Variants in RAN observed in about 807,000 individuals in gnomAD.
The protein encoded by RAN is RAN, member RAS oncogene family, also known as GTP-binding nuclear protein Ran.
RAN carries 2 observed loss-of-function variants against 26.8 expected under a neutral mutation model. That is an observed-to-expected ratio of 0.07 (90% confidence interval 0.03 to 0.23). The LOEUF is 0.23. RAN is among the 10% of genes least tolerant of loss of function. The pLI, the probability that RAN is intolerant of heterozygous loss-of-function variation, is 1.00. For synonymous variants in RAN, 132 were observed against 95.9 expected (o/e 1.38, Z -2.20); for missense variants, 56 against 264.8 (o/e 0.21, Z 5.47).
At position 130,877,032 on chromosome 12, in the gene RAN, G is replaced by C. The variant is rs962781659; in HGVS notation, c.*1106G>C. 1.3e-5 allele frequency: 2 copies of C among 151,756 alleles called. No individual in the cohort carries two copies. The highest frequency in any genetic ancestry group is 2.9e-5 in the Non-Finnish European group (2 of 67,986). The allele number at this position is 151,756 out of a possible 1,614,324, so 9.4% of individuals were successfully genotyped here. On this transcript the variant is annotated 3_prime_UTR_variant, in exon 7 of 7. Transcript: ENST00000543796. The stretch of plus-strand genomic sequence containing the variant: ...GGCAGTGTGGGGGCTTCTCAGTAAT[G>C]GAGAACAGTTGGTGAAACTTTTTTT...
In RAN at chr12:130,877,137, G is replaced by T. The variant is rs1329422827; in HGVS notation, c.*1211G>T. ...ATTAGGTCTATTAGGATAATTAGGA[G>T]TTTGATCCCATCAACACTATTCTTG... On this transcript the variant is annotated 3_prime_UTR_variant, in exon 7 of 7. Transcript: ENST00000543796. 2 of 151,554 alleles carry T rather than the reference G, an allele frequency of 1.3e-5. No individual in the cohort carries two copies. Among genetic ancestry groups the T allele is most frequent in the South Asian group, 2.1e-4 (1 of 4,806 alleles). The allele number at this position is 151,554 out of a possible 1,614,324, so 9.4% of individuals were successfully genotyped here.
chr12:130,874,425 G>A, intron 4 of RAN, 121 bp from the exon 5 acceptor site: 4 of 681,916 alleles, frequency 5.9e-6, no homozygotes, highest in African/African-American at 1.8e-5. Flanking sequence ...AGTGAGGGGA[G>A]AGATACAGGT....
At chr12:130,873,634 G>A (rs1036658676) in intron 4 of RAN, 5 of 161,092 alleles carry the variant, frequency 3.1e-5, no homozygotes, top group African/African-American at 9.6e-5. Context: ...CAAGGAAAAT[G>A]TTCATTGTAC....
At chr12:130,874,121 T>C in intron 4 of RAN, 1 of 247,916 alleles carries the variant, frequency 4.0e-6, no homozygotes, top group Non-Finnish European at 8.4e-6. Context: ...AGTGCTGGGA[T>C]TACAGACGTG....
rs1565956447 is a variant in RAN at position 130,876,604 on chromosome 12, CAG to C, written c.*680_*681del. 2 of 152,172 alleles carry C rather than the reference CAG, an allele frequency of 1.3e-5. No individual in the cohort carries two copies. Among genetic ancestry groups the C allele is most frequent in the Admixed American group, 6.6e-5 (1 of 15,266 alleles). 9.4% of individuals were successfully genotyped at this position (152,172 alleles called of 1,614,324 possible). On this transcript the variant is annotated 3_prime_UTR_variant, in exon 7 of 7. Transcript: ENST00000543796. The stretch of plus-strand genomic sequence containing the variant: ...CACTTGCTCAAAATCTGTGACCTGT[CAG>C]AATAAAAATGTGGTTTGTACATATC...
chr12:130,876,053 A>G lies in RAN; in HGVS notation c.*127A>G. Reference sequence around the variant, plus strand: ...GCGGAACATGTGCTTCATCTGTGGGATGCTGAAGGAGATGAGTGGGCTTCG... The same window carrying G: ...GCGGAACATGTGCTTCATCTGTGGGGTGCTGAAGGAGATGAGTGGGCTTCG... On this transcript the variant is annotated 3_prime_UTR_variant, in exon 7 of 7. Coordinates refer to ENST00000543796, the MANE Select transcript of RAN (RefSeq NM_006325.5). 1 of 955,038 alleles carries G rather than the reference A, an allele frequency of 1.0e-6. No homozygotes were observed. Among genetic ancestry groups the G allele is most frequent in the African/African-American group, 1.6e-5 (1 of 61,512 alleles). The allele number at this position is 955,038 out of a possible 1,614,324, so 59.2% of individuals were successfully genotyped here. A position where few individuals can be genotyped will look rare whatever the true frequency, so the allele number is the denominator to read the frequency against.
rs1953141254 is a variant in RAN at position 130,872,068 on chromosome 12, A to C, written c.-69A>C. The C allele has an allele frequency of 3.1e-6, 1 of 327,620 alleles. No individual in the cohort carries two copies. Among genetic ancestry groups the C allele is most frequent in the Non-Finnish European group, 6.5e-6 (1 of 154,734 alleles). The allele number at this position is 327,620 out of a possible 1,614,324, so 20.3% of individuals were successfully genotyped here. A position where few individuals can be genotyped will look rare whatever the true frequency, so the allele number is the denominator to read the frequency against. On this transcript the variant is annotated 5_prime_UTR_variant, in exon 1 of 7. Coordinates refer to ENST00000543796, the MANE Select transcript of RAN (RefSeq NM_006325.5). ...CGTCGGCTGCGTCTCCGGCGTTTGA[A>C]TTGCGCTTCCGCCATCTTTCCAGCC... is the stretch of plus-strand genomic sequence containing the variant.
At chr12:130,872,965 G>C in intron 3 of RAN, 38 bp from the exon 4 acceptor site, 1 of 1,614,196 alleles carries the variant, frequency 6.2e-7, no homozygotes. Flanking sequence ...TGAGAAATGG[G>C]TAAGTTCATC....
At position 130,876,765 on chromosome 12, in the gene RAN, T is replaced by A. The variant is rs1953252165; in HGVS notation, c.*839T>A. 1 of 152,188 alleles carries A rather than the reference T, an allele frequency of 6.6e-6. No individual in the cohort carries two copies. The highest frequency in any genetic ancestry group is 2.4e-5 in the African/African-American group (1 of 41,442). The allele number at this position is 152,188 out of a possible 1,614,324, so 9.4% of individuals were successfully genotyped here. On this transcript the variant is annotated 3_prime_UTR_variant, in exon 7 of 7. Transcript: ENST00000543796. The stretch of plus-strand genomic sequence containing the variant: ...TCTTGCTGTTAAAAATAATTACAAA[T>A]TTTGCACTTTTTTGTTTGAATGTTA...
chr12:130,874,350 G>T, intron 4 of RAN, 196 bp from the exon 5 acceptor site: 1 of 517,004 alleles, frequency 1.9e-6, no homozygotes, highest in Non-Finnish European at 3.4e-6. Context: ...GATTTGATAG[G>T]GTCAGCTCAT....
Position 130,873,031 on chromosome 12 carries a change from A to G in RAN, c.150A>G (p.Leu50=), listed in dbSNP as rs777706850. 6.2e-7 allele frequency: 1 copy of G among 1,614,218 alleles called. No individual in the cohort carries two copies. The highest frequency in any genetic ancestry group is 1.7e-5 in the Admixed American group (1 of 60,022). The change falls in exon 4 of 7, where the codon CTA becomes CTG. Residue 50 remains leucine, a synonymous_variant. Transcript: ENST00000543796. ...VATLGVEVHP[L]VFHTNRGPIK... ...CCTTGGGTGTTGAGGTTCATCCCCT[A>G]GTGTTCCACACCAACAGAGGACCTA...
At position 130,872,994 on chromosome 12, in the gene RAN, C is replaced by G; in HGVS notation, c.122-9C>G. Reference sequence around the variant, plus strand: ...GTTCATCCACTCAATCGCATCGTTTCCGTTTCAGCCACCTTGGGTGTTGAG... The same window carrying G: ...GTTCATCCACTCAATCGCATCGTTTGCGTTTCAGCCACCTTGGGTGTTGAG... On this transcript the variant is annotated splice_polypyrimidine_tract_variant and intron_variant, in intron 3 of 6. Coordinates refer to ENST00000543796, the MANE Select transcript of RAN (RefSeq NM_006325.5). The G allele has an allele frequency of 6.2e-7, 1 of 1,614,204 alleles. No homozygotes were observed. Among genetic ancestry groups the G allele is most frequent in the Non-Finnish European group, 8.5e-7 (1 of 1,180,040 alleles).
At chr12:130,872,518 CG>C (rs1953156175) in intron 1 of RAN, 65 bp from the exon 2 acceptor site, 1 of 1,215,438 alleles carries the variant, frequency 8.2e-7, no homozygotes, top group South Asian at 2.9e-5. Context: ...GCTGGGGGCG[CG>C]GGAGCGGGGC....
chr12:130,874,974 A>T (rs1003964801), intron 5 of RAN, among the ~76,000 whole-genome samples: 10 of 152,038 alleles, frequency 6.6e-5, no homozygotes, highest in African/African-American at 2.4e-4. Context: ...GTGTACCACC[A>T]CGCCTGGCTA....
At position 130,872,133 on chromosome 12, in the gene RAN, C is replaced by T. The variant is rs1039091047; in HGVS notation, c.-11+7C>T. 14 of 247,160 alleles carry T rather than the reference C, an allele frequency of 5.7e-5. No homozygotes were observed. The highest frequency in any genetic ancestry group is 2.3e-4 in the African/African-American group (10 of 42,694). The allele number at this position is 247,160 out of a possible 1,614,324, so 15.3% of individuals were successfully genotyped here. On this transcript the variant is annotated splice_region_variant and intron_variant, in intron 1 of 6. Transcript: ENST00000543796. ...GCGGAGACGCTTCTGGAAGGTATCG[C>T]GACCCGGCGGGCCCGGCACGGCCGG...
chr12:130,875,522 T>C, intron 5 of RAN, 90 bp from the exon 6 acceptor site: 1 of 1,246,740 alleles, frequency 8.0e-7, no homozygotes, highest in Non-Finnish European at 1.1e-6. Flanking sequence ...TTGCCAAGAA[T>C]CTTAACATTT....
chr12:130,875,488 A>C (rs1593221216), intron 5 of RAN, 124 bp from the exon 6 acceptor site: 1 of 898,496 alleles, frequency 1.1e-6, no homozygotes, highest in East Asian at 2.7e-5. Flanking sequence ...AAGTGCTGGG[A>C]TTACAGGCAT....
At position 130,876,214 on chromosome 12, in the gene RAN, T is replaced by C. The variant is rs1161237523; in HGVS notation, c.*288T>C. ...ATCACAATATTCAGTGGTGAAATCT[T>C]GTTTGTTACTGTCATTCCCATTCCT... On this transcript the variant is annotated 3_prime_UTR_variant, in exon 7 of 7. Coordinates refer to ENST00000543796, the MANE Select transcript of RAN (RefSeq NM_006325.5). The C allele has an allele frequency of 2.4e-6, 1 of 412,934 alleles. No individual in the cohort carries two copies. The highest frequency in any genetic ancestry group is 2.0e-5 in the African/African-American group (1 of 49,192). The allele number at this position is 412,934 out of a possible 1,614,324, so 25.6% of individuals were successfully genotyped here.
chr12:130,874,277 C>G (rs1953196991), intron 4 of RAN: 2 of 376,876 alleles, frequency 5.3e-6, no homozygotes, highest in Admixed American at 4.4e-5. Flanking sequence ...TCTCATTTAG[C>G]ATTAATTACT....
Sources: gnomAD v4.1 joint callset for allele counts (sites outside exome capture counted in the v4.1 genomes callset) on GRCh38, gnomAD v4.1.1 for gene constraint, MANE v1.5 for transcripts, NCBI Gene and HGNC (gene_info 2026-07-23, HGNC 2026-07-21) for gene names.